Variants in SPOCK3 observed in about 807,000 individuals in gnomAD.
SPOCK3 encodes testican-3.
In SPOCK3, 30 loss-of-function variants were observed where a neutral mutation model predicts 56.6. The observed-to-expected ratio is 0.53, with a 90% CI of 0.40 to 0.72. The LOEUF is 0.72. Among genes scored for constraint, SPOCK3 ranks in the 30% least tolerant of loss-of-function variants. SPOCK3 has a pLI of 0.00. For synonymous variants in SPOCK3, 196 were observed against 183.3 expected (o/e 1.07, Z -0.56); for missense variants, 527 against 530.0 (o/e 0.99, Z 0.06).
chr4:166,839,701 CATT>C (rs1451851639), intron 6 of SPOCK3, among the ~76,000 whole-genome samples: 1 of 152,138 alleles, frequency 6.6e-6, no homozygotes, highest in Non-Finnish European at 1.5e-5. Context: ...CATTTACCAT[CATT>C]ATAATCAATT....
chr4:167,121,569 T>C (rs1761870151), intron 2 of SPOCK3, among the ~76,000 whole-genome samples: 2 of 152,176 alleles, frequency 1.3e-5, no homozygotes, highest in South Asian at 4.1e-4. Context: ...GAGGAAAATA[T>C]TGAAAGAGAT....
At chr4:166,748,565 C>G (rs1332078548) in intron 8 of SPOCK3, among the ~76,000 whole-genome samples, 1 of 136,684 alleles carries the variant, frequency 7.3e-6, no homozygotes, top group Non-Finnish European at 1.6e-5. Flanking sequence ...CCATTCAGGA[C>G]ATAGGCATGG....
At chr4:166,959,178 T>C (rs1431131720) in intron 4 of SPOCK3, among the ~76,000 whole-genome samples, 1 of 152,038 alleles carries the variant, frequency 6.6e-6, no homozygotes, top group East Asian at 1.9e-4. Context: ...CCTCTTAAGT[T>C]AGTGAAGCAA....
chr4:166,771,796 G>A (rs17597957), intron 7 of SPOCK3, among the ~76,000 whole-genome samples: 69,442 of 151,776 alleles, frequency 0.46, 16,412 homozygotes, highest in African/African-American at 0.51. Flanking sequence ...GACAAAAACA[G>A]TACTTAATAA....
At chr4:167,175,761 GA>G (rs1160258397) in intron 2 of SPOCK3, among the ~76,000 whole-genome samples, 1 of 151,956 alleles carries the variant, frequency 6.6e-6, no homozygotes, top group Non-Finnish European at 1.5e-5. Context: ...CTTGATCTTG[GA>G]CTTCTAACTT....
chr4:166,763,738 TAA>T (rs1737564582), intron 7 of SPOCK3, among the ~76,000 whole-genome samples: 2 of 152,080 alleles, frequency 1.3e-5, no homozygotes, highest in African/African-American at 4.8e-5. Context: ...TACATTGTGA[TAA>T]GTTAATGATA....
intron 6 of SPOCK3, among the ~76,000 whole-genome samples, chr4:166,807,888 G>T (rs1743346224): frequency 6.6e-6 from 1 of 151,994 alleles, no homozygotes; most frequent in Non-Finnish European, 1.5e-5. Context: ...GTTTTCTTGA[G>T]ATTTTTCTTC....
chr4:167,014,912 T>G (rs1304088188), intron 3 of SPOCK3, among the ~76,000 whole-genome samples: 3 of 152,098 alleles, frequency 2.0e-5, no homozygotes, highest in African/African-American at 7.2e-5. Context: ...TGCATTTTAT[T>G]TTAGTAAATT....
At chr4:166,778,122 G>A (rs1340271173) in intron 7 of SPOCK3, among the ~76,000 whole-genome samples, 3 of 152,258 alleles carry the variant, frequency 2.0e-5, no homozygotes, top group Non-Finnish European at 4.4e-5. Context: ...GTCAAGCAAT[G>A]TCTCTTCTCT....
intron 2 of SPOCK3, among the ~76,000 whole-genome samples, chr4:167,128,209 C>A (rs1028142381): frequency 6.6e-6 from 1 of 152,148 alleles, no homozygotes; most frequent in Non-Finnish European, 1.5e-5. Context: ...AAAACTCTTT[C>A]CTTACACCTC....
chr4:166,798,674 T>C (rs2126678975), intron 6 of SPOCK3, among the ~76,000 whole-genome samples: 2 of 152,242 alleles, frequency 1.3e-5, no homozygotes, highest in African/African-American at 4.8e-5. Flanking sequence ...CCATGATAAT[T>C]ATAACCAAAG....
intron 2 of SPOCK3, among the ~76,000 whole-genome samples, 158 bp downstream of exon 2, chr4:167,233,827 G>A (rs544463437): frequency 6.6e-6 from 1 of 152,178 alleles, no homozygotes; most frequent in Non-Finnish European, 1.5e-5. Flanking sequence ...AGGGGGCAGC[G>A]GAACTGTGAA....
At chr4:166,887,777 G>A (rs939441583) in intron 6 of SPOCK3, among the ~76,000 whole-genome samples, 1 of 151,296 alleles carries the variant, frequency 6.6e-6, no homozygotes, top group Admixed American at 6.6e-5. Context: ...CTGCTCGGGT[G>A]ATGGGTGGGC....
At chr4:167,011,495 T>G (rs1750065747) in intron 3 of SPOCK3, among the ~76,000 whole-genome samples, 1 of 152,178 alleles carries the variant, frequency 6.6e-6, no homozygotes, top group Non-Finnish European at 1.5e-5. Flanking sequence ...CAATTTCACA[T>G]TTTTCAATAT....
intron 4 of SPOCK3, among the ~76,000 whole-genome samples, chr4:166,948,649 C>T (rs995570397): frequency 6.6e-6 from 1 of 152,024 alleles, no homozygotes; most frequent in African/African-American, 2.4e-5. Flanking sequence ...TATCTGTTGG[C>T]CATTAATATG....
At chr4:166,753,197 AT>A (rs1355323842) in intron 8 of SPOCK3, among the ~76,000 whole-genome samples, 1 of 152,016 alleles carries the variant, frequency 6.6e-6, no homozygotes, top group Non-Finnish European at 1.5e-5. Flanking sequence ...ACACCAAAAA[AT>A]AAAAATAAAA....
At chr4:167,181,797 A>G (rs1337787331) in intron 2 of SPOCK3, among the ~76,000 whole-genome samples, 3 of 152,200 alleles carry the variant, frequency 2.0e-5, no homozygotes, top group Non-Finnish European at 4.4e-5. Context: ...CACCCAATAC[A>G]TGAAGACATG....
intron 5 of SPOCK3, among the ~76,000 whole-genome samples, chr4:166,892,814 TAC>T (rs1734929753): frequency 6.6e-6 from 1 of 152,084 alleles, no homozygotes; most frequent in African/African-American, 2.4e-5. Flanking sequence ...AAAGTTATTT[TAC>T]AGTCATTTGT....
rs537701626 is a variant in SPOCK3, at chr4:166,797,766, A to G, written c.590-5477T>C. Among the ~76,000 whole-genome samples the G allele has an allele frequency of 7.2e-5, 11 of 152,324 alleles. No individual in the cohort carries two copies. The South Asian group carries it at 2.1e-3, about 29-fold the overall frequency. On this transcript the variant is annotated intron_variant, in intron 6 of 10. Transcript: ENST00000357545. ...CAGTATATTTAACACTATAATCAATAAGTAGCTACTATAAAATATTTATTG... is the reference window on the plus strand; with the variant it reads ...CAGTATATTTAACACTATAATCAATGAGTAGCTACTATAAAATATTTATTG...
Sources: allele counts gnomAD v4.1 joint callset (sites outside exome capture counted in the v4.1 genomes callset), GRCh38; gene constraint gnomAD v4.1.1; transcripts MANE v1.5; gene names NCBI Gene and HGNC (gene_info 2026-07-23, HGNC 2026-07-21).